Variants in PPARD observed in about 807,000 individuals in gnomAD.
The protein encoded by PPARD is peroxisome proliferator-activated receptor delta.
In PPARD, 6 loss-of-function variants were observed where a neutral mutation model predicts 39.5. The observed-to-expected ratio is 0.15, with a 90% CI of 0.08 to 0.30. PPARD has a LOEUF of 0.30. Among genes scored for constraint, PPARD ranks in the 10% least tolerant of loss-of-function variants. The pLI is 1.00. For synonymous variants in PPARD, 210 were observed against 231.3 expected, an observed-to-expected ratio of 0.91 and a Z score of 0.83; for missense variants, 397 against 596.8, an observed-to-expected ratio of 0.67 and a Z score of 3.49.
At chr6:35,384,925 C>A (rs1763503173) in intron 2 of PPARD, among the ~76,000 whole-genome samples, 1 of 132,984 alleles carries the variant, frequency 7.5e-6, no homozygotes, top group South Asian at 2.3e-4. Context: ...GTGAGGAGCC[C>A]CTCTGCCAGG....
At chr6:35,379,935 G>A (rs550231794) in intron 2 of PPARD, among the ~76,000 whole-genome samples, 18 of 152,176 alleles carry the variant, frequency 1.2e-4, no homozygotes, top group Non-Finnish European at 2.2e-4. Flanking sequence ...CTAGGGGCAC[G>A]TCATCAGCAG....
chr6:35,426,270 C>G lies in PPARD; in HGVS notation c.*191C>G, dbSNP rs201301083. 3 of 673,540 alleles carry G rather than the reference C, an allele frequency of 4.5e-6. No individual in the cohort carries two copies. The highest frequency in any genetic ancestry group is 4.9e-6 in the Non-Finnish European group (2 of 405,424). The allele number at this position is 673,540 out of a possible 1,614,324, so 41.7% of individuals were successfully genotyped here. ...TCTCTCCCGCTTCCTCCAGCCAGCT[C>G]TCTTCCTGTCTTTGTTGTCTCCCTC... On this transcript the variant is annotated 3_prime_UTR_variant, in exon 8 of 8. Coordinates refer to ENST00000360694, the MANE Select transcript of PPARD (RefSeq NM_006238.5).
Position 35,344,928 on chromosome 6 carries a change from C to G in PPARD, c.-185-2139C>G, listed in dbSNP as rs1792082801. On this transcript the variant is annotated intron_variant, in intron 1 of 7. Transcript: ENST00000360694. ...ACTGGACCAGAGGGTTTTCCTTGTT[C>G]CTGTGAATAGCATCTCTCCAGGGTT... Among the ~76,000 whole-genome samples, 4 of 152,110 alleles carry G rather than the reference C, an allele frequency of 2.6e-5. No individual in the cohort carries two copies. The South Asian group carries it at 8.3e-4, about 31-fold the overall frequency.
At chr6:35,346,968 AACAC>A in intron 1 of PPARD, 95 bp from the exon 2 acceptor site, 5 of 686,672 alleles carry the variant, frequency 7.3e-6, no homozygotes, top group Admixed American at 5.8e-5. Flanking sequence ...TTACCTTAGG[AACAC>A]TCTTTGAGTT....
intron 2 of PPARD, among the ~76,000 whole-genome samples, chr6:35,359,306 T>G (rs932948416): frequency 1.3e-5 from 2 of 152,194 alleles, no homozygotes; most frequent in African/African-American, 2.4e-5. Context: ...CCTCACGAGT[T>G]TTAGGCCCAT....
At position 35,401,424 on chromosome 6, in the gene PPARD, A is replaced by G. The variant is rs546861882; in HGVS notation, c.-101-9563A>G. 6.6e-6 allele frequency among the ~76,000 whole-genome samples: 1 copy of G among 152,228 alleles called. No individual in the cohort carries two copies. The highest frequency in any genetic ancestry group is 2.4e-5 in the African/African-American group (1 of 41,526). On this transcript the variant is annotated intron_variant, in intron 2 of 7. Transcript: ENST00000360694. The surrounding 1 kb of genome is among the most constrained non-coding windows in gnomAD (Gnocchi z 4.1). ...CCACAGCAGCCTGAAAAGTCTTTGTAAAAATGCAGCTCTGTTCCTCCCCAT... is the reference window on the plus strand; with the variant it reads ...CCACAGCAGCCTGAAAAGTCTTTGTGAAAATGCAGCTCTGTTCCTCCCCAT...
intron 2 of PPARD, among the ~76,000 whole-genome samples, chr6:35,360,797 G>C (rs771408509): frequency 3.9e-5 from 6 of 152,192 alleles, no homozygotes; most frequent in Non-Finnish European, 8.8e-5. Context: ...TTTATTTTTA[G>C]AGAGCCTTTT....
At chr6:35,374,732 C>T (rs532946954) in intron 2 of PPARD, among the ~76,000 whole-genome samples, 7 of 151,906 alleles carry the variant, frequency 4.6e-5, no homozygotes, top group East Asian at 3.9e-4. Flanking sequence ...TAACTACTTA[C>T]GGGACATCTT....
In PPARD at chr6:35,355,595, C is replaced by CT. The variant is rs1442980844; in HGVS notation, c.-102+8447dup. ...AAAAAAAAAGTGCTTTCTTCTTCTTCTTCTTTTTTTTTTTTTTTTTTTTTT... is the reference window on the plus strand; with the variant it reads ...AAAAAAAAAGTGCTTTCTTCTTCTTCTTTCTTTTTTTTTTTTTTTTTTTTTT... On this transcript the variant is annotated intron_variant, in intron 2 of 7. Coordinates refer to ENST00000360694, the MANE Select transcript of PPARD (RefSeq NM_006238.5). Among the ~76,000 whole-genome samples the CT allele has an allele frequency of 4.4e-3, 220 of 50,376 alleles. No individual in the cohort carries two copies. The East Asian group carries it at 0.047, about 11-fold the overall frequency. 33.0% of individuals were successfully genotyped at this position (50,376 alleles called of 152,430 possible).
rs1264051264 is a variant in PPARD at position 35,412,214 on chromosome 6, A to T, written c.130+997A>T. 6.6e-6 allele frequency among the ~76,000 whole-genome samples: 1 copy of T among 152,146 alleles called. No homozygotes were observed. On this transcript the variant is annotated intron_variant, in intron 3 of 7. Transcript: ENST00000360694. This position sits in a 1 kb window ranked among gnomAD's most constrained non-coding sequence, Gnocchi z 4.1. Reference sequence around the variant, plus strand: ...CCAAAGTGCTGGGATTACAAGCAGGAGCCACCGCGCCTGGCCTGATCCCTC... The same window carrying T: ...CCAAAGTGCTGGGATTACAAGCAGGTGCCACCGCGCCTGGCCTGATCCCTC...
intron 2 of PPARD, among the ~76,000 whole-genome samples, chr6:35,351,395 G>A (rs767068420): frequency 2.0e-5 from 3 of 152,110 alleles, no homozygotes; most frequent in African/African-American, 7.2e-5. Flanking sequence ...ATAATAGGCC[G>A]GGCGGGTGAC....
In PPARD at chr6:35,380,476, G is replaced by GT. The variant is rs71002557; in HGVS notation, c.-101-30481dup. Among the ~76,000 whole-genome samples, 349 of 67,126 alleles carry GT rather than the reference G, an allele frequency of 5.2e-3. 17 individuals are homozygous for GT. The highest frequency in any genetic ancestry group is 0.027 in the Middle Eastern group (2 of 74). The allele number at this position is 67,126 out of a possible 152,430, so 44.0% of individuals were successfully genotyped here. On this transcript the variant is annotated intron_variant, in intron 2 of 7. Transcript: ENST00000360694. ...AACCTCGTGTTTTTTTTTTTTGTTT[G>GT]TTTTTTTTTTTTTTTTTTTTTTTTT...
Position 35,420,219 on chromosome 6 carries a change from C to T in PPARD, c.223C>T (p.Arg75Trp), listed in dbSNP as rs1245760271. ...ATGCGGCAGCCTCAACATGGAGTGCCGGGTGTGCGGGGACAAGGCATCGGG... is the reference window on the plus strand; with the variant it reads ...ATGCGGCAGCCTCAACATGGAGTGCTGGGTGTGCGGGGACAAGGCATCGGG... ...ASCGSLNMEC[R>W]VCGDKASGFH... The change falls in exon 4 of 8, where the codon CGG (arginine) becomes TGG (tryptophan). Residue 75 changes from arginine to tryptophan, a missense_variant. By Grantham distance (101) the Arg-to-Trp change is moderately radical (BLOSUM62 -3). Coordinates refer to ENST00000360694, the MANE Select transcript of PPARD (RefSeq NM_006238.5). The T allele has an allele frequency of 2.5e-6, 4 of 1,610,066 alleles. No homozygotes were observed. The highest frequency in any genetic ancestry group is 2.2e-5 in the East Asian group (1 of 44,680).
chr6:35,410,945 C>G, intron 2 of PPARD, 42 bp from the exon 3 acceptor site: 1 of 1,258,306 alleles, frequency 7.9e-7, no homozygotes, highest in Non-Finnish European at 1.0e-6. Flanking sequence ...TCTTCCTTGT[C>G]ACTGCCTCCC....
At position 35,390,339 on chromosome 6, in the gene PPARD, T is replaced by C. The variant is rs368619588; in HGVS notation, c.-101-20648T>C. On this transcript the variant is annotated intron_variant, in intron 2 of 7. Transcript: ENST00000360694. ...CTTTTGTCATCTCTCCCCATAGGGG[T>C]CTAGGTCAGTGCTTTTGTACATGGT... Among the ~76,000 whole-genome samples, 29 of 152,256 alleles carry C rather than the reference T, an allele frequency of 1.9e-4. 1 individual carries two copies. The East Asian group carries it at 5.2e-3, about 27-fold the overall frequency.
chr6:35,347,007 TG>T, intron 1 of PPARD, 59 bp from the exon 2 acceptor site: 1 of 1,067,902 alleles, frequency 9.4e-7, no homozygotes, highest in Non-Finnish European at 1.4e-6. Flanking sequence ...TTATTAGAGT[TG>T]CTTTGAGGGC....
intron 1 of PPARD, among the ~76,000 whole-genome samples, chr6:35,345,990 C>T (rs1792160349): frequency 6.6e-6 from 1 of 151,084 alleles, no homozygotes; most frequent in African/African-American, 2.4e-5. Flanking sequence ...CATTCTTCTG[C>T]CTCAGCCTCC....
Position 35,420,013 on chromosome 6 carries a change from C to T in PPARD, c.131-114C>T. The T allele has an allele frequency of 3.1e-6, 4 of 1,286,096 alleles. No homozygotes were observed. In the Admixed American group the frequency reaches 9.4e-5, roughly 30 times the overall value. The allele number at this position is 1,286,096 out of a possible 1,614,324, so 79.7% of individuals were successfully genotyped here. On this transcript the variant is annotated intron_variant, in intron 3 of 7. Transcript: ENST00000360694. ...AAACTGGTCCTCAGAAAGGTTGACT[C>T]CCTGAGGCCACACAGCTGTTAAGTG...
chr6:35,408,187 A>G (rs1765178007), intron 2 of PPARD, among the ~76,000 whole-genome samples: 1 of 152,222 alleles, frequency 6.6e-6, no homozygotes, highest in Non-Finnish European at 1.5e-5. Context: ...CCAGGCAGGA[A>G]GATGGGAGGG....
Sources: allele counts gnomAD v4.1 joint callset (sites outside exome capture counted in the v4.1 genomes callset), GRCh38; gene constraint gnomAD v4.1.1; non-coding constraint Gnocchi (gnomAD v3.1); transcripts MANE v1.5; gene names NCBI Gene and HGNC (gene_info 2026-07-23, HGNC 2026-07-21).